Variants in TYW1B observed in about 807,000 individuals in gnomAD.
The protein encoded by TYW1B is S-adenosyl-L-methionine-dependent tRNA 4-demethylwyosine synthase TYW1B.
TYW1B carries 73 observed loss-of-function variants against 86.9 expected under a neutral mutation model. The ratio of observed to expected loss-of-function variants is 0.84; its 90% CI spans 0.70 to 1.02. TYW1B has a LOEUF of 1.02. Ranked by LOEUF, TYW1B falls within the 50% of genes least tolerant of loss-of-function variation. The pLI is 0.00. For missense variants in TYW1B, 637 were observed against 827.4 expected, an observed-to-expected ratio of 0.77 and a Z score of 2.82; for synonymous variants, 248 against 292.8, an observed-to-expected ratio of 0.85 and a Z score of 1.56.
intron 6 of TYW1B, among the ~76,000 whole-genome samples, chr7:72,787,669 G>A (rs1395986278): frequency 2.0e-4 from 30 of 151,774 alleles, no homozygotes; most frequent in African/African-American, 6.5e-4. Context: ...TACTCGGGAG[G>A]CTGAGGCAGA....
intron 11 of TYW1B, among the ~76,000 whole-genome samples, chr7:72,634,553 G>A (rs1476718983): frequency 6.7e-6 from 1 of 149,778 alleles, no homozygotes; most frequent in Non-Finnish European, 1.5e-5. Context: ...GGACATGCTG[G>A]GTCATGGGGG....
intron 11 of TYW1B, among the ~76,000 whole-genome samples, chr7:72,668,803 G>A (rs7787679): frequency 0.079 from 12,010 of 152,122 alleles, 605 homozygotes; most frequent in African/African-American, 0.14. Context: ...ATTAAATAAC[G>A]CTAGGTTTTA....
chr7:72,816,117 C>G (rs1371839401), intron 2 of TYW1B, among the ~76,000 whole-genome samples: 2 of 152,168 alleles, frequency 1.3e-5, no homozygotes, highest in Non-Finnish European at 2.9e-5. Flanking sequence ...TGGCTCACAA[C>G]TGTAATCCCA....
chr7:72,813,544 C>A (rs1788664694), intron 3 of TYW1B, among the ~76,000 whole-genome samples: 1 of 152,162 alleles, frequency 6.6e-6, no homozygotes, highest in Non-Finnish European at 1.5e-5. Context: ...TACAGTGCAG[C>A]CAGGCTAAGA....
intron 7 of TYW1B, among the ~76,000 whole-genome samples, chr7:72,771,180 C>G (rs1333071292): frequency 1.3e-5 from 2 of 152,088 alleles, no homozygotes; most frequent in African/African-American, 4.8e-5. Context: ...CCAGGCTGGT[C>G]TCGAACTCCC....
At chr7:72,691,902 C>A (rs1320002521) in intron 11 of TYW1B, among the ~76,000 whole-genome samples, 3 of 151,940 alleles carry the variant, frequency 2.0e-5, no homozygotes, top group Non-Finnish European at 4.4e-5. Flanking sequence ...GAGTTTCCAC[C>A]CATTCATTCT....
chr7:72,598,582 T>A (rs1284520601), intron 13 of TYW1B, among the ~76,000 whole-genome samples: 2 of 152,056 alleles, frequency 1.3e-5, no homozygotes, highest in Admixed American at 1.3e-4. Flanking sequence ...AAAAAGTAAA[T>A]GAACTGGAAG....
At chr7:72,635,065 A>G (rs1339150484) in intron 11 of TYW1B, among the ~76,000 whole-genome samples, 2 of 152,184 alleles carry the variant, frequency 1.3e-5, no homozygotes, top group Non-Finnish European at 2.9e-5. Flanking sequence ...CCATGCTATC[A>G]AGAGCATGAA....
chr7:72,720,497 T>C (rs1786875631), intron 9 of TYW1B, among the ~76,000 whole-genome samples: 1 of 152,186 alleles, frequency 6.6e-6, no homozygotes, highest in African/African-American at 2.4e-5. Flanking sequence ...AAAAAAATTC[T>C]TGATGATCAA....
At chr7:72,823,493 G>A (rs1355839140) in intron 2 of TYW1B, among the ~76,000 whole-genome samples, 11 of 151,784 alleles carry the variant, frequency 7.2e-5, no homozygotes, top group African/African-American at 2.4e-4. Context: ...AGTGGTGGGC[G>A]CCTATAGTCC....
intron 5 of TYW1B, among the ~76,000 whole-genome samples, chr7:72,806,850 G>A (rs1300597958): frequency 2.0e-5 from 3 of 151,864 alleles, no homozygotes; most frequent in Non-Finnish European, 4.4e-5. Flanking sequence ...ATAGGGTATT[G>A]CTATGTTGCC....
intron 7 of TYW1B, among the ~76,000 whole-genome samples, chr7:72,756,703 ATACAGCCAC>A (rs1397040357): frequency 6.6e-6 from 1 of 152,134 alleles, no homozygotes; most frequent in Non-Finnish European, 1.5e-5. Context: ...GCTCCTGGAG[ATACAGCCAC>A]AAACAGTGAC....
intron 12 of TYW1B, among the ~76,000 whole-genome samples, chr7:72,619,617 T>C (rs1344492192): frequency 7.4e-6 from 1 of 134,722 alleles, no homozygotes; most frequent in Non-Finnish European, 1.5e-5. Context: ...GTCCGCAGTC[T>C]GGCCTGGGCG....
chr7:72,632,369 ATATATAT>A (rs1812532591), intron 11 of TYW1B, among the ~76,000 whole-genome samples: 1 of 113,514 alleles, frequency 8.8e-6, no homozygotes, highest in Admixed American at 1.1e-4. Flanking sequence ...ATATATACGC[ATATATAT>A]TATATATATA....
intron 13 of TYW1B, among the ~76,000 whole-genome samples, chr7:72,613,199 T>A (rs1357431882): frequency 2.0e-5 from 3 of 152,048 alleles, no homozygotes; most frequent in Non-Finnish European, 4.4e-5. Flanking sequence ...TCTGCCTAGA[T>A]TAGGGGTTGG....
At position 72,807,077 on chromosome 7, in the gene TYW1B, T is replaced by C. The variant is rs370976921; in HGVS notation, c.712A>G (p.Arg238Gly). The part of the protein sequence containing the change: ...GSQEQDELHH[R>G]DTKEEEPFES... ...CACAGGCGGTATACCTTGGTGTCTC[T>C]GTGATGCAATTCGTCCTGCTCTTGA... The change falls in exon 5 of 14, where the codon AGA (arginine) becomes GGA (glycine). Residue 238 changes from arginine (R) to glycine (G), a missense_variant. Coordinates refer to ENST00000620995, the MANE Select transcript of TYW1B (RefSeq NM_001145440.3). 1.2e-5 allele frequency: 19 copies of C among 1,613,840 alleles called. No individual in the cohort carries two copies. The highest frequency in any genetic ancestry group is 1.4e-5 in the Non-Finnish European group (16 of 1,179,884).
At chr7:72,787,133 C>G (rs1170131876) in intron 6 of TYW1B, among the ~76,000 whole-genome samples, 1 of 152,020 alleles carries the variant, frequency 6.6e-6, no homozygotes, top group Non-Finnish European at 1.5e-5. Context: ...AACTTGAAAG[C>G]ACATCAAATG....
intron 11 of TYW1B, among the ~76,000 whole-genome samples, chr7:72,673,645 G>C (rs1272162008): frequency 6.6e-6 from 1 of 152,100 alleles, no homozygotes; most frequent in African/African-American, 2.4e-5. Flanking sequence ...TGGTTAATGG[G>C]TACAAAAAAT....
chr7:72,815,295 T>C (rs1586006270), intron 3 of TYW1B, 85 bp downstream of exon 3: 1 of 1,165,052 alleles, frequency 8.6e-7, no homozygotes, highest in East Asian at 2.6e-5. Context: ...TTCTGAAGAT[T>C]CTAGTTATCT....
Sources: allele counts gnomAD v4.1 joint callset (sites outside exome capture counted in the v4.1 genomes callset), GRCh38; gene constraint gnomAD v4.1.1; transcripts MANE v1.5; gene names NCBI Gene and HGNC (gene_info 2026-07-23, HGNC 2026-07-21).